Variants in CUX1 observed in about 807,000 individuals in gnomAD.
CUX1 encodes protein CASP.
CUX1 carries 31 observed loss-of-function variants against 158.8 expected under a neutral mutation model. That is an observed-to-expected ratio of 0.20 (90% CI 0.15 to 0.26). The LOEUF (loss-of-function observed/expected upper bound fraction) is 0.26. CUX1 is among the 10% of genes least tolerant of loss of function. The pLI, the probability that CUX1 is intolerant of heterozygous loss-of-function variation, is 1.00. For synonymous variants in CUX1, 879 were observed against 862.1 expected, an observed-to-expected ratio of 1.02 and a Z score of -0.34; for missense variants, 1,589 against 2,014.6, an observed-to-expected ratio of 0.79 and a Z score of 4.04.
At chr7:101,982,865 TC>T (rs1346093056) in intron 2 of CUX1, among the ~76,000 whole-genome samples, 3 of 118,574 alleles carry the variant, frequency 2.5e-5, no homozygotes, top group Non-Finnish European at 5.3e-5. Context: ...ATGCTATCCC[TC>T]CCCCCTCCCC....
intron 2 of CUX1, among the ~76,000 whole-genome samples, chr7:102,008,719 G>A (rs531170382): frequency 3.9e-4 from 59 of 152,288 alleles, no homozygotes; most frequent in African/African-American, 1.4e-3. Context: ...GACTAGGACA[G>A]GACATGGGGT....
chr7:102,115,481 G>A (rs1554491550), intron 8 of CUX1: 1 of 485,336 alleles, frequency 2.1e-6, no homozygotes, highest in Non-Finnish European at 3.6e-6. Flanking sequence ...TATTGTGAAG[G>A]CTGGTCACTG....
chr7:101,950,606 CA>C (rs1808949485), intron 2 of CUX1, among the ~76,000 whole-genome samples: 1 of 152,216 alleles, frequency 6.6e-6, no homozygotes, highest in African/African-American at 2.4e-5. Flanking sequence ...CAGCCATACT[CA>C]TTTGTTTATC....
chr7:102,121,178 A>T (rs782282687), intron 8 of CUX1, among the ~76,000 whole-genome samples: 1 of 151,958 alleles, frequency 6.6e-6, no homozygotes, highest in Non-Finnish European at 1.5e-5. Context: ...TTTATTTTTT[A>T]TTTTTTTGAG....
intron 1 of CUX1, among the ~76,000 whole-genome samples, chr7:101,883,682 C>T (rs1159593480): frequency 2.7e-5 from 4 of 150,876 alleles, no homozygotes; most frequent in African/African-American, 9.8e-5. Context: ...CATGATCTCC[C>T]CCTCCCAGGT....
intron 1 of CUX1, among the ~76,000 whole-genome samples, chr7:101,908,056 A>C (rs1802957692): frequency 6.6e-6 from 1 of 152,046 alleles, no homozygotes; most frequent in Non-Finnish European, 1.5e-5. Flanking sequence ...AGACTTTCCC[A>C]CCCCCAAGTG....
chr7:101,931,884 CT>C (rs1806335016), intron 2 of CUX1, among the ~76,000 whole-genome samples: 1 of 152,140 alleles, frequency 6.6e-6, no homozygotes, highest in Non-Finnish European at 1.5e-5. Context: ...TTTAAATTGG[CT>C]TTTATTGGAA....
At chr7:102,170,747 G>A (rs1344215403) in intron 10 of CUX1, among the ~76,000 whole-genome samples, 197 bp downstream of exon 10, 1 of 152,182 alleles carries the variant, frequency 6.6e-6, no homozygotes, top group Non-Finnish European at 1.5e-5. Context: ...TTTGCTAACT[G>A]TGCGTGGGTG....
chr7:102,114,523 C>T (rs573472698), intron 7 of CUX1, among the ~76,000 whole-genome samples: 1 of 152,312 alleles, frequency 6.6e-6, no homozygotes, highest in Non-Finnish European at 1.5e-5. Flanking sequence ...GTGATCTGCC[C>T]GTGTCAGCCT....
chr7:102,253,282 C>T lies in CUX1; in HGVS notation c.*4240C>T, dbSNP rs782601210. The T allele has an allele frequency of 3.3e-5, 33 of 985,496 alleles. No individual in the cohort carries two copies. The highest frequency in any genetic ancestry group is 4.0e-5 in the Non-Finnish European group (33 of 830,056). 61.0% of individuals were successfully genotyped at this position (985,496 alleles called of 1,614,324 possible). A position where few individuals can be genotyped will look rare whatever the true frequency, so the allele number is the denominator to read the frequency against. On this transcript the variant is annotated 3_prime_UTR_variant, in exon 24 of 24. Transcript: ENST00000292535. ...CAGGTGGCCAGCTCTCATACCCCAT[C>T]TCCCTCCTTGGCCAGGGCCAGCATC...
Position 102,251,351 on chromosome 7 carries a change from CGT to C in CUX1, c.*2310_*2311del. ...ACTTTGACTGTAAGATGTGAAACCA[CGT>C]TTCTTGCATGATGTTTTAGAGATTA... On this transcript the variant is annotated 3_prime_UTR_variant, in exon 24 of 24. Coordinates refer to ENST00000292535, the MANE Select transcript of CUX1 (RefSeq NM_181552.4). 1 of 985,286 alleles carries C rather than the reference CGT, an allele frequency of 1.0e-6. No individual in the cohort carries two copies. Among genetic ancestry groups the C allele is most frequent in the Non-Finnish European group, 1.2e-6 (1 of 829,924 alleles). The allele number at this position is 985,286 out of a possible 1,614,324, so 61.0% of individuals were successfully genotyped here.
chr7:102,025,927 A>G (rs954565648), intron 2 of CUX1, among the ~76,000 whole-genome samples: 1 of 152,138 alleles, frequency 6.6e-6, no homozygotes, highest in Non-Finnish European at 1.5e-5. Context: ...CTGTAATCCT[A>G]GCACTGTGGG....
chr7:101,835,595 C>T (rs540378342), intron 1 of CUX1, among the ~76,000 whole-genome samples: 15 of 151,892 alleles, frequency 9.9e-5, no homozygotes, highest in East Asian at 3.9e-4. Flanking sequence ...TTTGTGGGTG[C>T]GTATATTTAT....
chr7:101,931,659 G>A (rs1010825491), intron 2 of CUX1, among the ~76,000 whole-genome samples: 1 of 152,036 alleles, frequency 6.6e-6, no homozygotes, highest in Non-Finnish European at 1.5e-5. Context: ...TCTGCCTTCC[G>A]GGCTCAAGCG....
chr7:101,998,488 G>A (rs1291761829), intron 2 of CUX1, among the ~76,000 whole-genome samples: 1 of 152,200 alleles, frequency 6.6e-6, no homozygotes, highest in Non-Finnish European at 1.5e-5. Context: ...GGTGCCCCCA[G>A]CCATCGCTTC....
chr7:102,092,034 G>A (rs768451460), intron 4 of CUX1, among the ~76,000 whole-genome samples: 7 of 152,236 alleles, frequency 4.6e-5, no homozygotes, highest in Non-Finnish European at 8.8e-5. Context: ...GGGATTACAG[G>A]CGTGCGCCAT....
chr7:102,266,801 A>G (rs1468056378), intron 14 of CUX1, among the ~76,000 whole-genome samples: 1 of 152,172 alleles, frequency 6.6e-6, no homozygotes, highest in Admixed American at 6.5e-5. Flanking sequence ...GGACCTTGGC[A>G]AGGACAGTCA....
At chr7:101,858,544 T>C (rs1437806550) in intron 1 of CUX1, among the ~76,000 whole-genome samples, 1 of 152,166 alleles carries the variant, frequency 6.6e-6, no homozygotes, top group Non-Finnish European at 1.5e-5. Context: ...CTGAAAACAA[T>C]GACTTTGTTC....
chr7:102,255,223 C>T lies in CUX1; in HGVS notation c.*6181C>T, dbSNP rs1554541621. The T allele has an allele frequency of 2.0e-6, 2 of 985,362 alleles. No individual in the cohort carries two copies. Among genetic ancestry groups the T allele is most frequent in the East Asian group, 1.1e-4 (1 of 8,824 alleles). 61.0% of individuals were successfully genotyped at this position (985,362 alleles called of 1,614,324 possible). A position where few individuals can be genotyped will look rare whatever the true frequency, so the allele number is the denominator to read the frequency against. On this transcript the variant is annotated 3_prime_UTR_variant, in exon 24 of 24. Coordinates refer to ENST00000292535, the MANE Select transcript of CUX1 (RefSeq NM_181552.4). ...CTCCTGCCCAGGCCTCTCCCACCAC[C>T]ACCTTCCCTCCAAAGATAACCGTGT...
Sources: gnomAD v4.1 joint callset for allele counts (sites outside exome capture counted in the v4.1 genomes callset) on GRCh38, gnomAD v4.1.1 for gene constraint, MANE v1.5 for transcripts, NCBI Gene and HGNC (gene_info 2026-07-23, HGNC 2026-07-21) for gene names.